Variants in CSMD1 observed in about 807,000 individuals in gnomAD.
The protein encoded by CSMD1 is CUB and Sushi multiple domains 1, also known as CUB and sushi domain-containing protein 1.
Under a neutral mutation model 417.5 loss-of-function variants are expected in CSMD1, and 213 were observed. The ratio of observed to expected loss-of-function variants is 0.51; its 90% confidence interval spans 0.46 to 0.57. The LOEUF (loss-of-function observed/expected upper bound fraction) is 0.57, where lower values mean the gene tolerates loss of function less well. Ranked by LOEUF, CSMD1 falls within the 20% of genes least tolerant of loss-of-function variation. CSMD1 has a pLI of 0.00. For missense variants in CSMD1, 6,923 were observed against 4,529.7 expected (o/e 1.53, Z -15.17); for synonymous variants, 2,862 against 1,736.8 (o/e 1.65, Z -16.11).
At chr8:4,102,266 T>C (rs748425215) in intron 3 of CSMD1, among the ~76,000 whole-genome samples, 1 of 152,170 alleles carries the variant, frequency 6.6e-6, no homozygotes, top group Non-Finnish European at 1.5e-5. Flanking sequence ...ATGCTATACT[T>C]TACACATTAT....
intron 5 of CSMD1, among the ~76,000 whole-genome samples, chr8:3,874,580 A>C (rs1319550147): frequency 1.3e-5 from 2 of 152,114 alleles, no homozygotes; most frequent in African/African-American, 4.8e-5. Flanking sequence ...TGTGATGGAG[A>C]TCTTCTTAAA....
In CSMD1 at chr8:4,761,871, CTATCTAT is replaced by C. The variant is rs1563319004; in HGVS notation, c.86-124320_86-124314del. On this transcript the variant is annotated intron_variant, in intron 1 of 69. Coordinates refer to ENST00000635120, the MANE Select transcript of CSMD1 (RefSeq NM_033225.6). ...TCTATCTATCTATCTATCTATCTAT[CTATCTAT>C]CTATCTATCTACCTACCTATCTATC... Among the ~76,000 whole-genome samples, 42 of 91,016 alleles carry C rather than the reference CTATCTAT, an allele frequency of 4.6e-4. No individual in the cohort carries two copies. In the South Asian group the frequency reaches 6.6e-3, roughly 14 times the overall value. The allele number at this position is 91,016 out of a possible 152,430, so 59.7% of individuals were successfully genotyped here.
At chr8:3,143,050 T>C (rs1320404907) in intron 40 of CSMD1, among the ~76,000 whole-genome samples, 17 of 152,240 alleles carry the variant, frequency 1.1e-4, no homozygotes, top group Admixed American at 1.1e-3. Flanking sequence ...AATATGAAGT[T>C]GTGATCATCT....
chr8:4,491,251 G>C (rs1023999266), intron 2 of CSMD1, among the ~76,000 whole-genome samples: 1 of 152,084 alleles, frequency 6.6e-6, no homozygotes, highest in Non-Finnish European at 1.5e-5. Flanking sequence ...AGAAAGAAAT[G>C]AATTTAGAGA....
chr8:4,789,617 G>C (rs1043058004), intron 1 of CSMD1, among the ~76,000 whole-genome samples: 3 of 152,048 alleles, frequency 2.0e-5, no homozygotes. Flanking sequence ...CTCCAGTGTG[G>C]GGAAGTTTGT....
intron 3 of CSMD1, among the ~76,000 whole-genome samples, chr8:4,335,699 A>G (rs1800125008): frequency 6.6e-6 from 1 of 152,162 alleles, no homozygotes; most frequent in Non-Finnish European, 1.5e-5. Flanking sequence ...TACAGAATAT[A>G]GTGTTTCTCA....
intron 5 of CSMD1, among the ~76,000 whole-genome samples, chr8:3,836,186 C>T (rs1303277944): frequency 6.6e-6 from 1 of 151,884 alleles, no homozygotes; most frequent in Non-Finnish European, 1.5e-5. Context: ...ATAGATTTTT[C>T]CACTTGTTTA....
At chr8:4,982,219 T>A (rs746935492) in intron 1 of CSMD1, among the ~76,000 whole-genome samples, 1 of 152,194 alleles carries the variant, frequency 6.6e-6, no homozygotes, top group Non-Finnish European at 1.5e-5. Flanking sequence ...AGGTAATGCA[T>A]GTGTGCTGTT....
At chr8:4,313,469 G>A (rs976252276) in intron 3 of CSMD1, among the ~76,000 whole-genome samples, 19 of 140,440 alleles carry the variant, frequency 1.4e-4, no homozygotes, top group Admixed American at 1.2e-3. Context: ...AGCAATGCAG[G>A]AACCCGAAGA....
intron 5 of CSMD1, among the ~76,000 whole-genome samples, chr8:3,846,604 C>A: frequency 6.6e-6 from 1 of 152,256 alleles, no homozygotes; most frequent in East Asian, 1.9e-4. Flanking sequence ...TATTCACAAA[C>A]ATTAGCAGTT....
chr8:3,540,976 C>T (rs537965305), intron 10 of CSMD1, among the ~76,000 whole-genome samples: 26 of 152,278 alleles, frequency 1.7e-4, no homozygotes, highest in African/African-American at 6.3e-4. Context: ...TGTGGTGATT[C>T]CTCAAAGATC....
intron 3 of CSMD1, among the ~76,000 whole-genome samples, chr8:4,260,872 A>C (rs1803832330): frequency 6.6e-6 from 1 of 152,156 alleles, no homozygotes; most frequent in African/African-American, 2.4e-5. Flanking sequence ...GACAAATCTT[A>C]ATCTTTGTCG....
chr8:4,821,021 C>A (rs1030927191), intron 1 of CSMD1, among the ~76,000 whole-genome samples: 1 of 152,044 alleles, frequency 6.6e-6, no homozygotes, highest in African/African-American at 2.4e-5. Flanking sequence ...TCTCAGATCG[C>A]ACGGCTTAGA....
intron 7 of CSMD1, among the ~76,000 whole-genome samples, chr8:3,659,041 G>C (rs144574424): frequency 1.3e-3 from 195 of 152,182 alleles, no homozygotes; most frequent in African/African-American, 4.5e-3. Flanking sequence ...AATTAACACG[G>C]CGCCATTGCA....
intron 3 of CSMD1, among the ~76,000 whole-genome samples, chr8:4,042,839 A>AAAAAAAAAAAAAAAAAAAG (rs1179079811): frequency 8.2e-6 from 1 of 121,718 alleles, no homozygotes; most frequent in African/African-American, 3.2e-5. Flanking sequence ...AAAAAAAAAA[A>AAAAAAAAAAAAAAAAAAAG]AAAGCAGGCT....
chr8:4,458,718 G>C (rs567830303), intron 2 of CSMD1, among the ~76,000 whole-genome samples: 9 of 152,146 alleles, frequency 5.9e-5, no homozygotes, highest in South Asian at 2.1e-4. Flanking sequence ...TTCTTTATTA[G>C]TGGGAAAAAT....
In CSMD1 at chr8:3,019,198, G is replaced by A. The variant is rs145816602; in HGVS notation, c.7856-548C>T. Reference sequence around the variant, plus strand: ...CTCCCAAATTGCTGGGATTACAGGCGTGAGCCACTGTGCCTCGACCCATTA... The same window carrying A: ...CTCCCAAATTGCTGGGATTACAGGCATGAGCCACTGTGCCTCGACCCATTA... On this transcript the variant is annotated intron_variant, in intron 51 of 69. Coordinates refer to ENST00000635120, the MANE Select transcript of CSMD1 (RefSeq NM_033225.6). Among the ~76,000 whole-genome samples, 580 of 152,258 alleles carry A rather than the reference G, an allele frequency of 3.8e-3. 3 individuals are homozygous for A. The highest frequency in any genetic ancestry group is 0.012 in the African/African-American group (519 of 41,542).
chr8:2,999,943 A>G lies in CSMD1; in HGVS notation c.8203+15T>C. 5.0e-6 allele frequency: 8 copies of G among 1,603,516 alleles called. No homozygotes were observed. The highest frequency in any genetic ancestry group is 6.0e-6 in the Non-Finnish European group (7 of 1,174,766). ...AGGAAGCATCGATGAATTCGTCCAC[A>G]AAGAGTGCACTTACGGACACAGACA... On this transcript the variant is annotated intron_variant, in intron 53 of 69. Transcript: ENST00000635120.
At chr8:4,103,790 G>C (rs1171339767) in intron 3 of CSMD1, among the ~76,000 whole-genome samples, 3 of 152,168 alleles carry the variant, frequency 2.0e-5, no homozygotes, top group African/African-American at 4.8e-5. Flanking sequence ...CTTCAAAACA[G>C]AATGACAGAA....
Sources: allele counts gnomAD v4.1 joint callset (sites outside exome capture counted in the v4.1 genomes callset), GRCh38; gene constraint gnomAD v4.1.1; transcripts MANE v1.5; gene names NCBI Gene and HGNC (gene_info 2026-07-23, HGNC 2026-07-21).